Variants in CPAMD8 observed in about 807,000 individuals in gnomAD.
CPAMD8 encodes the protein C3 and PZP-like alpha-2-macroglobulin domain-containing protein 8.
CPAMD8 carries 146 observed loss-of-function variants against 224.7 expected under a neutral mutation model. That is an observed-to-expected ratio of 0.65 (90% CI 0.57 to 0.75). The LOEUF (loss-of-function observed/expected upper bound fraction) is 0.75. Ranked by LOEUF, CPAMD8 falls within the 30% of genes least tolerant of loss-of-function variation. The pLI is 0.00. For synonymous variants in CPAMD8, 966 were observed against 1,044.6 expected (o/e 0.92, Z 1.45); for missense variants, 2,301 against 2,537.5 (o/e 0.91, Z 2.00).
At chr19:16,938,576 G>A (rs982818153) in intron 22 of CPAMD8, 130 bp from the exon 23 acceptor site, 9 of 612,684 alleles carry the variant, frequency 1.5e-5, no homozygotes, top group South Asian at 3.9e-5. Flanking sequence ...CAGGTTTTAC[G>A]TGGTATCAGC....
rs200550882 is a variant in CPAMD8, at chr19:16,997,067, C to T, written c.1095+44G>A. The T allele has an allele frequency of 8.1e-4, 1,019 of 1,256,670 alleles. 9 individuals are homozygous for T. Among genetic ancestry groups the T allele is most frequent in the Middle Eastern group, 5.6e-4 (3 of 5,352 alleles). 77.8% of individuals were successfully genotyped at this position (1,256,670 alleles called of 1,614,324 possible). On this transcript the variant is annotated intron_variant, in intron 11 of 41. Coordinates refer to ENST00000443236, the MANE Select transcript of CPAMD8 (RefSeq NM_015692.5). ...CTAGTGGCTAGTGGTGGTGGTTTCA[C>T]GGTGGTCCTTGGGCGGGAGGCAGCA...
chr19:16,979,568 A>G (rs2055430128), intron 14 of CPAMD8, among the ~76,000 whole-genome samples: 1 of 150,642 alleles, frequency 6.6e-6, no homozygotes, highest in Non-Finnish European at 1.5e-5. Context: ...CTATCCATCC[A>G]TCCATCCATC....
intron 20 of CPAMD8, 52 bp from the exon 21 acceptor site, chr19:16,947,279 G>A (rs1370148153): frequency 6.4e-7 from 1 of 1,570,312 alleles, no homozygotes; most frequent in Admixed American, 1.8e-5. Flanking sequence ...CCCCCTCCCA[G>A]TGCCTGGAGG....
At chr19:16,988,044 TACAC>T (rs1003877779) in intron 13 of CPAMD8, among the ~76,000 whole-genome samples, 1 of 152,066 alleles carries the variant, frequency 6.6e-6, no homozygotes, top group South Asian at 2.1e-4. Context: ...AAAAGAAAAA[TACAC>T]ACACACACCT....
At position 16,902,688 on chromosome 19, in the gene CPAMD8, T is replaced by A. The variant is rs1300163119; in HGVS notation, c.4646A>T (p.His1549Leu). ...CAGCATCACCTTGTATTCCTGGTGA[T>A]GCTGATCGGCCGCTGGGTCATCATC... is the stretch of plus-strand genomic sequence containing the variant. ...ADDDDPAADQ[H>L]HQEYKVMLEV... is the part of the protein sequence containing the mutation. Residue 1549 changes from histidine to leucine, a missense_variant, in exon 35 of 42, where the codon CAT becomes CTT. By Grantham distance (99) the His-to-Leu change is moderately conservative. Coordinates refer to ENST00000443236, the MANE Select transcript of CPAMD8 (RefSeq NM_015692.5). The A allele has an allele frequency of 6.2e-7, 1 of 1,609,902 alleles. No homozygotes were observed. Among genetic ancestry groups the A allele is most frequent in the Admixed American group, 1.7e-5 (1 of 59,806 alleles).
chr19:16,954,350 AAAG>A, intron 19 of CPAMD8, among the ~76,000 whole-genome samples: 1 of 152,030 alleles, frequency 6.6e-6, no homozygotes, highest in East Asian at 1.9e-4. Flanking sequence ...AAAAAAAAGA[AAAG>A]AAAGAAAAAG....
In CPAMD8 at chr19:16,947,137, CG is replaced by C; in HGVS notation, c.2598del (p.Glu868ArgfsTer61). ...RHVTKKMCVA[P>X]GEAEPIWVVL... ...ACGACCCAGATGGGCTCAGCCTCCC[CG>C]GGGGCCACACACATCTTCTTGGTCA... On this transcript the variant is annotated frameshift_variant, in exon 21 of 42. Transcript: ENST00000443236. LOFTEE classifies it high-confidence loss of function. 6.2e-7 allele frequency: 1 copy of C among 1,613,588 alleles called. No individual in the cohort carries two copies. The highest frequency in any genetic ancestry group is 8.5e-7 in the Non-Finnish European group (1 of 1,179,742).
At position 16,983,399 on chromosome 19, in the gene CPAMD8, A is replaced by AAAATAAATAAATAAAT. The variant is rs55638415; in HGVS notation, c.1396-2729_1396-2714dup. On this transcript the variant is annotated intron_variant, in intron 13 of 41. Coordinates refer to ENST00000443236, the MANE Select transcript of CPAMD8 (RefSeq NM_015692.5). ...GGGTGACAGAGTGAGACTCCATCTC[A>AAAATAAATAAATAAAT]AAATAAATAAATAAATAAATAAATA... Among the ~76,000 whole-genome samples the AAAATAAATAAATAAAT allele has an allele frequency of 3.2e-3, 476 of 150,380 alleles. 1 individual carries two copies. The highest frequency in any genetic ancestry group is 0.02 in the South Asian group (93 of 4,718).
At chr19:17,021,624 A>G (rs532969180) in intron 2 of CPAMD8, among the ~76,000 whole-genome samples, 1 of 152,288 alleles carries the variant, frequency 6.6e-6, no homozygotes, top group East Asian at 1.9e-4. Flanking sequence ...CCTGAGCTGC[A>G]CTTAGTAACA....
intron 27 of CPAMD8, among the ~76,000 whole-genome samples, chr19:16,919,760 A>G (rs1218416070): frequency 6.6e-6 from 1 of 152,222 alleles, no homozygotes; most frequent in African/African-American, 2.4e-5. Flanking sequence ...AGCCTAGCTC[A>G]CTCAATGAAT....
In CPAMD8 at chr19:16,906,455, T is replaced by A. The variant is rs575426972; in HGVS notation, c.4027+497A>T. On this transcript the variant is annotated intron_variant, in intron 30 of 41. Coordinates refer to ENST00000443236, the MANE Select transcript of CPAMD8 (RefSeq NM_015692.5). Reference sequence around the variant, plus strand: ...CCTTCCTTCTTTTCTTTCTCTTTCTTTCTAATGGCATTATCTCAGCTCACT... The same window carrying A: ...CCTTCCTTCTTTTCTTTCTCTTTCTATCTAATGGCATTATCTCAGCTCACT... Among the ~76,000 whole-genome samples, 8 of 148,996 alleles carry A rather than the reference T, an allele frequency of 5.4e-5. 1 individual carries two copies. The South Asian group carries it at 1.3e-3, about 24-fold the overall frequency.
At chr19:17,007,334 TA>T (rs561799746) in intron 7 of CPAMD8, among the ~76,000 whole-genome samples, 4 of 145,354 alleles carry the variant, frequency 2.8e-5, no homozygotes, top group Non-Finnish European at 6.0e-5. Flanking sequence ...GACTGTATTT[TA>T]AAAAAAAAGA....
intron 26 of CPAMD8, among the ~76,000 whole-genome samples, chr19:16,924,123 C>T (rs535398387): frequency 6.6e-6 from 1 of 152,164 alleles, no homozygotes; most frequent in Non-Finnish European, 1.5e-5. Context: ...CCAGTAGGAA[C>T]CAGCTCTGCG....
At chr19:16,937,030 C>A (rs145522996) in intron 23 of CPAMD8, among the ~76,000 whole-genome samples, 11 of 146,114 alleles carry the variant, frequency 7.5e-5, no homozygotes, top group Non-Finnish European at 1.5e-4. Flanking sequence ...CCTTCCCTTC[C>A]TCTTTCCTTT....
At chr19:16,945,079 C>G (rs1056582153) in intron 22 of CPAMD8, among the ~76,000 whole-genome samples, 2 of 152,152 alleles carry the variant, frequency 1.3e-5, no homozygotes, top group Non-Finnish European at 2.9e-5. Context: ...CAGGATGCTT[C>G]CCGAGATCAT....
chr19:16,916,848 T>C (rs2144856823), intron 27 of CPAMD8, among the ~76,000 whole-genome samples: 1 of 152,348 alleles, frequency 6.6e-6, no homozygotes, highest in Non-Finnish European at 1.5e-5. Flanking sequence ...CTTCTTTCTA[T>C]TCCCATGTTC....
chr19:16,896,658 G>A lies in CPAMD8; in HGVS notation c.5073C>T (p.Phe1691=). 6.8e-6 allele frequency: 10 copies of A among 1,460,110 alleles called. No homozygotes were observed. The highest frequency in any genetic ancestry group is 9.0e-6 in the Non-Finnish European group (10 of 1,108,896). 90.4% of individuals were successfully genotyped at this position (1,460,110 alleles called of 1,614,324 possible). The change falls in exon 40 of 42, where the codon TTC becomes TTT. Residue 1691 remains phenylalanine, a synonymous_variant. Transcript: ENST00000443236. ...CCACGGCAGGGCCCGACTCGCCGGG[G>A]AACCAGCCTGGGGGACGAGGCAGGC... The part of the protein sequence containing the change: ...ERAPARGPGW[F]PGESGPAVAP...
At chr19:16,973,631 G>A (rs1156304716) in intron 17 of CPAMD8, among the ~76,000 whole-genome samples, 1 of 152,020 alleles carries the variant, frequency 6.6e-6, no homozygotes, top group Non-Finnish European at 1.5e-5. Flanking sequence ...TTACAGGCGT[G>A]AGACACCACA....
At position 17,012,540 on chromosome 19, in the gene CPAMD8, G is replaced by T. The variant is rs1177471789; in HGVS notation, c.268-783C>A. Among the ~76,000 whole-genome samples the T allele has an allele frequency of 2.0e-5, 3 of 151,530 alleles. No homozygotes were observed. The East Asian group carries it at 5.9e-4, about 30-fold the overall frequency. ...TTTTGTTTATTTTTGGTAGAAACAA[G>T]GTCTCACTCTATTGCCCAGGCTGGT... On this transcript the variant is annotated intron_variant, in intron 3 of 41. Transcript: ENST00000443236.
Sources: gnomAD v4.1 joint callset for allele counts (sites outside exome capture counted in the v4.1 genomes callset) on GRCh38, gnomAD v4.1.1 for gene constraint, MANE v1.5 for transcripts, NCBI Gene and HGNC (gene_info 2026-07-23, HGNC 2026-07-21) for gene names.